RBFOX1: variants seen among roughly 807,000 people sequenced by gnomAD.
RBFOX1 encodes RNA binding fox-1 homolog 1.
Under a neutral mutation model 57.7 loss-of-function variants are expected in RBFOX1, and 8 were observed. That is an observed-to-expected ratio of 0.14 (90% CI 0.08 to 0.25). The LOEUF (loss-of-function observed/expected upper bound fraction) is 0.25. Ranked by LOEUF, RBFOX1 falls within the 10% of genes least tolerant of loss-of-function variation. RBFOX1 has a pLI of 1.00. For synonymous variants in RBFOX1, 326 were observed against 222.4 expected, an observed-to-expected ratio of 1.47 and a Z score of -4.15; for missense variants, 611 against 548.5, an observed-to-expected ratio of 1.11 and a Z score of -1.14.
rs181784004 is a variant in RBFOX1 at position 7,316,328 on chromosome 16, T to G, written c.28-201819T>G. Among the ~76,000 whole-genome samples the G allele has an allele frequency of 3.1e-3, 478 of 152,336 alleles. 1 individual carries two copies. The highest frequency in any genetic ancestry group is 0.011 in the African/African-American group (468 of 41,580). The stretch of plus-strand genomic sequence containing the variant: ...GAGAAATGCTATGTTTTTACCTGTT[T>G]GTATAATCTTCCTAACATTGCATGA... On this transcript the variant is annotated intron_variant, in intron 4 of 15. Transcript: ENST00000550418.
intron 3 of RBFOX1, among the ~76,000 whole-genome samples, chr16:6,897,318 G>A (rs1383677811): frequency 2.0e-5 from 3 of 152,202 alleles, no homozygotes; most frequent in South Asian, 2.1e-4. Flanking sequence ...AGGGAGAATC[G>A]CTTGAACCCA....
At chr16:6,217,249 G>A (rs146941184) in intron 1 of RBFOX1, among the ~76,000 whole-genome samples, 1 of 128,162 alleles carries the variant, frequency 7.8e-6, no homozygotes, top group East Asian at 2.4e-4. Context: ...CCCACTTTCA[G>A]AGATATATTT....
intron 3 of RBFOX1, among the ~76,000 whole-genome samples, chr16:6,817,964 T>A (rs7184490): frequency 6.6e-6 from 1 of 151,890 alleles, no homozygotes; most frequent in Non-Finnish European, 1.5e-5. Flanking sequence ...TGAGATGATC[T>A]GGTTTTAAAC....
At chr16:5,891,383 G>A (rs547659623) in intron 4 of RBFOX1, among the ~76,000 whole-genome samples, 35 of 152,122 alleles carry the variant, frequency 2.3e-4, no homozygotes, top group Non-Finnish European at 4.1e-4. Context: ...CAAAACAAGC[G>A]CCTTCTATGC....
At chr16:6,436,031 G>C (rs1198465181) in intron 2 of RBFOX1, among the ~76,000 whole-genome samples, 1 of 152,050 alleles carries the variant, frequency 6.6e-6, no homozygotes, top group African/African-American at 2.4e-5. Context: ...AGTTAGAAAT[G>C]GTTAAAATCT....
At chr16:6,988,963 A>T (rs1367535223) in intron 3 of RBFOX1, among the ~76,000 whole-genome samples, 1 of 151,884 alleles carries the variant, frequency 6.6e-6, no homozygotes, top group South Asian at 2.1e-4. Context: ...GGGTTTTCCC[A>T]TGTTGGCTAG....
intron 4 of RBFOX1, among the ~76,000 whole-genome samples, chr16:7,413,898 G>C (rs886473856): frequency 2.0e-5 from 3 of 152,098 alleles, no homozygotes; most frequent in Admixed American, 1.3e-4. Flanking sequence ...AATTGGATTT[G>C]CATTCGTTAA....
chr16:6,287,403 T>A (rs1978314), intron 1 of RBFOX1, among the ~76,000 whole-genome samples: 122,011 of 152,060 alleles, frequency 0.8, 49,111 homozygotes, highest in East Asian at 0.99. Context: ...TCATTGGTGT[T>A]TGCCAATATG....
intron 2 of RBFOX1, among the ~76,000 whole-genome samples, chr16:6,475,123 A>G (rs907090228): frequency 6.6e-6 from 1 of 152,214 alleles, no homozygotes; most frequent in South Asian, 2.1e-4. Flanking sequence ...CCAACAAAAT[A>G]GTACTTGGAG....
chr16:6,926,716 C>G (rs56177167), intron 3 of RBFOX1, among the ~76,000 whole-genome samples: 50,128 of 152,024 alleles, frequency 0.33, 8,795 homozygotes, highest in African/African-American at 0.44. Flanking sequence ...CCCGTTAATT[C>G]GTTCAAGAAC....
chr16:5,755,114 A>G lies in RBFOX1; in HGVS notation c.319-112189A>G, dbSNP rs539402397. On this transcript the variant is annotated intron_variant, in intron 3 of 19. Transcript: ENST00000641259. ...GATTAGGGAGTGGTGATGACTCTTA[A>G]GGAGCATGCTGCCTTCAAGCATCTG... is the stretch of plus-strand genomic sequence containing the variant. Among the ~76,000 whole-genome samples the G allele has an allele frequency of 7.6e-4, 69 of 90,248 alleles. 1 individual carries two copies. Among genetic ancestry groups the G allele is most frequent in the Non-Finnish European group, 1.3e-3 (58 of 45,534 alleles). The allele number at this position is 90,248 out of a possible 152,430, so 59.2% of individuals were successfully genotyped here. A position where few individuals can be genotyped will look rare whatever the true frequency, so the allele number is the denominator to read the frequency against.
intron 4 of RBFOX1, among the ~76,000 whole-genome samples, chr16:7,348,702 G>T (rs919741079): frequency 6.6e-6 from 1 of 152,192 alleles, no homozygotes; most frequent in African/African-American, 2.4e-5. Flanking sequence ...AGCACTTTGG[G>T]AGGCTGAGGA....
intron 4 of RBFOX1, among the ~76,000 whole-genome samples, chr16:7,093,224 G>A (rs917988957): frequency 6.6e-6 from 1 of 152,194 alleles, no homozygotes; most frequent in Admixed American, 6.5e-5. Flanking sequence ...AGGGGGCTGA[G>A]AAAATGGCCC....
intron 1 of RBFOX1, among the ~76,000 whole-genome samples, chr16:5,269,732 T>C (rs1177087423): frequency 6.6e-6 from 1 of 152,214 alleles, no homozygotes; most frequent in Non-Finnish European, 1.5e-5. Context: ...TTTGAGGTGA[T>C]GAAATGTTCT....
chr16:6,624,682 A>T lies in RBFOX1; in HGVS notation c.-63-29921A>T, dbSNP rs564214035. Among the ~76,000 whole-genome samples the T allele has an allele frequency of 5.1e-4, 77 of 152,300 alleles. 1 individual carries two copies. The highest frequency in any genetic ancestry group is 1.3e-4 in the Non-Finnish European group (9 of 68,032). On this transcript the variant is annotated intron_variant, in intron 2 of 15. Transcript: ENST00000550418. ...ACATTTTGTGGCATTTCTTGAGGTC[A>T]CCAGAAACTCCTAGACGTCGTTGTA...
intron 4 of RBFOX1, among the ~76,000 whole-genome samples, chr16:5,991,757 G>A (rs1388868296): frequency 6.6e-6 from 1 of 150,598 alleles, no homozygotes; most frequent in African/African-American, 2.4e-5. Context: ...GAAAATCCCA[G>A]CCCTGCCAAT....
At chr16:6,823,243 T>G (rs551435206) in intron 3 of RBFOX1, among the ~76,000 whole-genome samples, 2 of 152,032 alleles carry the variant, frequency 1.3e-5, no homozygotes, top group South Asian at 2.1e-4. Flanking sequence ...TGAAATTGTT[T>G]TGTTTTCTTT....
chr16:7,143,791 C>T (rs2074341233), intron 4 of RBFOX1, among the ~76,000 whole-genome samples: 1 of 152,136 alleles, frequency 6.6e-6, no homozygotes, highest in Non-Finnish European at 1.5e-5. Context: ...CTACACTGTG[C>T]TTACTGTGTA....
At chr16:5,462,071 G>C (rs930077952) in intron 1 of RBFOX1, among the ~76,000 whole-genome samples, 2 of 151,850 alleles carry the variant, frequency 1.3e-5, no homozygotes, top group African/African-American at 4.8e-5. Flanking sequence ...TGGCACTAAA[G>C]ATTACCCGTC....
Sources: allele counts gnomAD v4.1 joint callset (sites outside exome capture counted in the v4.1 genomes callset), GRCh38; gene constraint gnomAD v4.1.1; transcripts MANE v1.5; gene names NCBI Gene and HGNC (gene_info 2026-07-23, HGNC 2026-07-21).